The following LRRC7 variants were observed in gnomAD, a reference collection of about 807,000 sequenced individuals.
LRRC7 encodes the protein leucine-rich repeat-containing protein 7.
A neutral mutation model predicts 175.7 loss-of-function variants in LRRC7; 23 were observed. That is an observed-to-expected ratio of 0.13 (90% CI 0.09 to 0.19). The LOEUF is 0.19. LRRC7 is among the 10% of genes least tolerant of loss of function. The probability of loss-of-function intolerance (pLI) is 1.00; values close to 1 mark genes in which losing one functional copy is unlikely to be tolerated. For synonymous variants in LRRC7, 685 were observed against 680.9 expected (o/e 1.01, Z -0.09); for missense variants, 1,354 against 1,904.7 (o/e 0.71, Z 5.38).
At chr1:69,866,459 A>G (rs910872376) in intron 7 of LRRC7, among the ~76,000 whole-genome samples, 1 of 152,204 alleles carries the variant, frequency 6.6e-6, no homozygotes, top group African/African-American at 2.4e-5. Flanking sequence ...CCCAAAGTGA[A>G]CTTAAAGAAT....
In LRRC7 at chr1:70,128,531, T is replaced by C. The variant is rs1464349312; in HGVS notation, c.*6644T>C. The C allele has an allele frequency of 2.6e-5, 4 of 152,196 alleles. No individual in the cohort carries two copies. Among genetic ancestry groups the C allele is most frequent in the Admixed American group, 2.0e-4 (3 of 15,282 alleles). The allele number at this position is 152,196 out of a possible 1,614,324, so 9.4% of individuals were successfully genotyped here. ...TTTCATAGCAAACTCTTGTACTTCC[T>C]CCACAGGAAAACATTTACTGTAGCT... On this transcript the variant is annotated 3_prime_UTR_variant, in exon 27 of 27. Coordinates refer to ENST00000651989, the MANE Select transcript of LRRC7 (RefSeq NM_001370785.2).
At chr1:70,025,473 A>G (rs1657991717) in intron 17 of LRRC7, among the ~76,000 whole-genome samples, 1 of 152,036 alleles carries the variant, frequency 6.6e-6, no homozygotes, top group Non-Finnish European at 1.5e-5. Flanking sequence ...TAGAGTCAAG[A>G]TCACCAAAGG....
intron 23 of LRRC7, among the ~76,000 whole-genome samples, chr1:70,075,647 T>G (rs1662718744): frequency 6.6e-6 from 1 of 152,248 alleles, no homozygotes; most frequent in Non-Finnish European, 1.5e-5. Flanking sequence ...CAAACTTACT[T>G]GCTTCAGAAT....
intron 8 of LRRC7, among the ~76,000 whole-genome samples, chr1:69,941,283 G>T (rs1648684082): frequency 1.3e-5 from 2 of 152,058 alleles, no homozygotes; most frequent in African/African-American, 4.8e-5. Context: ...CTTTGGAAGG[G>T]TTTGAGCAAG....
At chr1:69,835,063 TAATA>T (rs1680949293) in intron 6 of LRRC7, among the ~76,000 whole-genome samples, 194 bp downstream of exon 6, 3 of 151,654 alleles carry the variant, frequency 2.0e-5, no homozygotes, top group Admixed American at 2.0e-4. Context: ...TACATGACAT[TAATA>T]GTCAAATAAA....
chr1:70,117,933 A>G (rs758492939), intron 26 of LRRC7, among the ~76,000 whole-genome samples: 1 of 152,170 alleles, frequency 6.6e-6, no homozygotes, highest in East Asian at 1.9e-4. Flanking sequence ...CATAGTATGC[A>G]TGTATTTACT....
At chr1:70,104,568 G>A (rs893696088) in intron 25 of LRRC7, among the ~76,000 whole-genome samples, 2 of 151,976 alleles carry the variant, frequency 1.3e-5, no homozygotes, top group Non-Finnish European at 2.9e-5. Flanking sequence ...CTATACCAAC[G>A]GGCAGGACCA....
chr1:69,736,810 A>G (rs1668165975), intron 2 of LRRC7, among the ~76,000 whole-genome samples: 1 of 152,086 alleles, frequency 6.6e-6, no homozygotes, highest in Non-Finnish European at 1.5e-5. Context: ...TATTTAATGT[A>G]GCCATTGTAA....
chr1:69,605,484 T>G (rs1023165759), intron 1 of LRRC7, among the ~76,000 whole-genome samples: 9 of 152,192 alleles, frequency 5.9e-5, no homozygotes, highest in Admixed American at 2.0e-4. Flanking sequence ...AGAACTTGCT[T>G]TGTGCAGGGC....
intron 24 of LRRC7, among the ~76,000 whole-genome samples, chr1:70,079,881 A>G (rs1032189341): frequency 3.9e-5 from 6 of 152,226 alleles, no homozygotes; most frequent in Non-Finnish European, 5.9e-5. Context: ...TCCTGCTTAC[A>G]TATACTATTT....
intron 4 of LRRC7, among the ~76,000 whole-genome samples, chr1:69,803,716 T>C (rs1676788602): frequency 1.3e-5 from 2 of 151,364 alleles, no homozygotes; most frequent in African/African-American, 4.8e-5. Context: ...ATACCTTTGT[T>C]CTTCTTGAGT....
intron 4 of LRRC7, among the ~76,000 whole-genome samples, chr1:69,812,804 T>G (rs189262098): frequency 1.8e-4 from 28 of 152,268 alleles, no homozygotes; most frequent in African/African-American, 6.5e-4. Context: ...GAAACAATTT[T>G]TATGCACTTG....
At chr1:70,043,106 C>G (rs1183996090) in intron 21 of LRRC7, among the ~76,000 whole-genome samples, 1 of 151,710 alleles carries the variant, frequency 6.6e-6, no homozygotes, top group African/African-American at 2.4e-5. Context: ...AATTTGATAA[C>G]AGGGTATCTA....
intron 3 of LRRC7, among the ~76,000 whole-genome samples, chr1:69,785,442 T>A (rs937789856): frequency 6.6e-6 from 1 of 152,158 alleles, no homozygotes; most frequent in African/African-American, 2.4e-5. Context: ...TTTTAATCCA[T>A]TCTGACAGTC....
At chr1:69,922,612 G>A (rs1219122650) in intron 7 of LRRC7, among the ~76,000 whole-genome samples, 5 of 152,024 alleles carry the variant, frequency 3.3e-5, no homozygotes, top group African/African-American at 9.7e-5. Context: ...AGTGATAAAT[G>A]GGTAAAAAGC....
At chr1:69,909,373 C>T (rs1646440828) in intron 7 of LRRC7, among the ~76,000 whole-genome samples, 1 of 152,098 alleles carries the variant, frequency 6.6e-6, no homozygotes, top group African/African-American at 2.4e-5. Flanking sequence ...CCTTGATGGT[C>T]TTTACATTTT....
Position 69,748,443 on chromosome 1 carries a change from A to G in LRRC7, c.101-11748A>G, listed in dbSNP as rs914265856. ...ATGATTTCCTACTAGTCCTTACTAAAGCTCCTACTCAAATCTCTGGAAGAA... is the reference window on the plus strand; with the variant it reads ...ATGATTTCCTACTAGTCCTTACTAAGGCTCCTACTCAAATCTCTGGAAGAA... On this transcript the variant is annotated intron_variant, in intron 2 of 26. Coordinates refer to ENST00000651989, the MANE Select transcript of LRRC7 (RefSeq NM_001370785.2). Among the ~76,000 whole-genome samples the G allele has an allele frequency of 2.7e-4, 41 of 152,300 alleles. 1 individual carries two copies. Among genetic ancestry groups the G allele is most frequent in the African/African-American group, 8.9e-4 (37 of 41,570 alleles).
chr1:69,983,238 A>G lies in LRRC7; in HGVS notation c.786+2785A>G, dbSNP rs143751572. Among the ~76,000 whole-genome samples, 103 of 152,306 alleles carry G rather than the reference A, an allele frequency of 6.8e-4. 2 individuals are homozygous for G. Among genetic ancestry groups the G allele is most frequent in the African/African-American group, 2.3e-3 (95 of 41,566 alleles). ...AAAGTACTCTGATTCTAGCTAGCAA[A>G]TATTCAGTCACTCGAAGCCTGTGCT... On this transcript the variant is annotated intron_variant, in intron 9 of 26. Coordinates refer to ENST00000651989, the MANE Select transcript of LRRC7 (RefSeq NM_001370785.2).
At chr1:70,050,192 C>T (rs1660647375) in intron 22 of LRRC7, among the ~76,000 whole-genome samples, 1 of 152,006 alleles carries the variant, frequency 6.6e-6, no homozygotes. Context: ...GAGAAAGAGG[C>T]ATACATATGC....
Sources: allele counts gnomAD v4.1 joint callset (sites outside exome capture counted in the v4.1 genomes callset), GRCh38; gene constraint gnomAD v4.1.1; transcripts MANE v1.5; gene names NCBI Gene and HGNC (gene_info 2026-07-23, HGNC 2026-07-21).